Variants in GALNT13 observed in about 807,000 individuals in gnomAD.
The protein encoded by GALNT13 is polypeptide N-acetylgalactosaminyltransferase 13, also known as UDP-GalNAc:polypeptide N-acetylgalactosaminyltransferase 13.
Under a neutral mutation model 64.2 loss-of-function variants are expected in GALNT13, and 28 were observed. That is an observed-to-expected ratio of 0.44 (90% confidence interval 0.32 to 0.60). GALNT13 has a LOEUF of 0.60. GALNT13 is among the 20% of genes least tolerant of loss of function. The pLI is 0.05. For missense variants in GALNT13, 577 were observed against 669.8 expected (o/e 0.86, Z 1.53); for synonymous variants, 214 against 224.6 (o/e 0.95, Z 0.42).
the GALNT13 span, among the ~76,000 whole-genome samples, chr2:153,802,840 A>G: frequency 3.9e-5 from 6 of 152,364 alleles, no homozygotes; most frequent in East Asian, 1.2e-3. Context: ...TCCTGTCAAA[A>G]TAGAAGCTCA....
intron 9 of GALNT13, among the ~76,000 whole-genome samples, chr2:154,383,788 A>G (rs1426153387): frequency 6.6e-6 from 1 of 151,902 alleles, no homozygotes; most frequent in Non-Finnish European, 1.5e-5. Flanking sequence ...TCTATATACA[A>G]GAGTAATATA....
the GALNT13 span, among the ~76,000 whole-genome samples, chr2:153,147,289 G>A: frequency 6.6e-6 from 1 of 151,816 alleles, no homozygotes; most frequent in African/African-American, 2.4e-5. Context: ...GGCTAGAATT[G>A]TCTAGAAACT....
the GALNT13 span, among the ~76,000 whole-genome samples, chr2:153,461,005 A>T: frequency 6.6e-6 from 1 of 152,202 alleles, no homozygotes; most frequent in African/African-American, 2.4e-5. Flanking sequence ...TTTACATGAC[A>T]GAGTTGTGGC....
the GALNT13 span, among the ~76,000 whole-genome samples, chr2:153,831,636 T>C: frequency 1.3e-5 from 2 of 152,096 alleles, no homozygotes; most frequent in Non-Finnish European, 2.9e-5. Context: ...GACTTCAAAT[T>C]AATAATAAAT....
the GALNT13 span, among the ~76,000 whole-genome samples, chr2:153,582,051 G>A: frequency 1.3e-5 from 2 of 152,120 alleles, no homozygotes; most frequent in Non-Finnish European, 2.9e-5. Context: ...TAAGGAGAGG[G>A]AAGTGCATTC....
At chr2:153,849,995 A>G in the GALNT13 span, among the ~76,000 whole-genome samples, 1 of 97,254 alleles carries the variant, frequency 1.0e-5, no homozygotes, top group African/African-American at 4.0e-5. Context: ...CCCCGTCTCT[A>G]CTAAAAATAC....
intron 3 of GALNT13, among the ~76,000 whole-genome samples, chr2:154,066,051 G>GTA (rs1700446631): frequency 6.6e-6 from 1 of 152,164 alleles, no homozygotes; most frequent in South Asian, 2.1e-4. Flanking sequence ...AAAGAATCAA[G>GTA]TATAAAATCT....
the GALNT13 span, among the ~76,000 whole-genome samples, chr2:153,837,154 A>T: frequency 7.3e-5 from 11 of 151,120 alleles, no homozygotes; most frequent in East Asian, 1.9e-4. Flanking sequence ...TTTCTCCACA[A>T]CCTCTCCAGC....
the GALNT13 span, among the ~76,000 whole-genome samples, chr2:153,244,615 T>C: frequency 6.6e-6 from 1 of 152,200 alleles, no homozygotes; most frequent in Non-Finnish European, 1.5e-5. Flanking sequence ...GCTACGCTTT[T>C]CCCATGGTTT....
At chr2:154,454,852 C>G (rs1199978818), downstream of GALNT13, among the ~76,000 whole-genome samples, 1 of 152,110 alleles carries the variant, frequency 6.6e-6, no homozygotes, top group Non-Finnish European at 1.5e-5. Context: ...TCAGTAGTAA[C>G]TAATGGAACA....
At chr2:154,297,041 T>C (rs1220142200) in intron 8 of GALNT13, among the ~76,000 whole-genome samples, 2 of 152,170 alleles carry the variant, frequency 1.3e-5, no homozygotes, top group Non-Finnish European at 2.9e-5. Context: ...TATGTTATTC[T>C]AGAATGTGGC....
chr2:153,529,949 G>A, the GALNT13 span, among the ~76,000 whole-genome samples: 6 of 151,630 alleles, frequency 4.0e-5, no homozygotes, highest in African/African-American at 1.5e-4. Flanking sequence ...TATTAAATGG[G>A]GAAAAACAAA....
At chr2:153,826,660 T>C in the GALNT13 span, among the ~76,000 whole-genome samples, 6 of 150,570 alleles carry the variant, frequency 4.0e-5, no homozygotes, top group Admixed American at 4.0e-4. Flanking sequence ...ATCTAAATGA[T>C]ATTTTTAATG....
chr2:153,936,908 G>C (rs754632722), intron 2 of GALNT13, among the ~76,000 whole-genome samples: 3 of 151,932 alleles, frequency 2.0e-5, no homozygotes, highest in Non-Finnish European at 4.4e-5. Context: ...TTGTAGAGAC[G>C]GGGTTTCACT....
the GALNT13 span, among the ~76,000 whole-genome samples, chr2:153,223,952 A>G: frequency 6.6e-6 from 1 of 152,190 alleles, no homozygotes; most frequent in African/African-American, 2.4e-5. Flanking sequence ...CCTGGGTGAC[A>G]GAGTGAGACT....
chr2:153,553,826 G>A, the GALNT13 span, among the ~76,000 whole-genome samples: 2 of 152,032 alleles, frequency 1.3e-5, no homozygotes, highest in African/African-American at 2.4e-5. Context: ...CAGACAGAGC[G>A]GGCAGCTGAA....
intron 9 of GALNT13, among the ~76,000 whole-genome samples, chr2:154,330,759 T>C (rs1291233759): frequency 6.6e-6 from 1 of 152,094 alleles, no homozygotes; most frequent in Non-Finnish European, 1.5e-5. Context: ...GTGGGTTCCA[T>C]TATGCTGTCT....
At chr2:153,785,580 G>A in the GALNT13 span, among the ~76,000 whole-genome samples, 8 of 152,134 alleles carry the variant, frequency 5.3e-5, no homozygotes, top group African/African-American at 1.9e-4. Flanking sequence ...AGTGGCAGTG[G>A]CAGAGGGGCT....
intron 7 of GALNT13, among the ~76,000 whole-genome samples, chr2:154,247,977 T>C (rs1204019388): frequency 6.6e-6 from 1 of 152,162 alleles, no homozygotes; most frequent in Admixed American, 6.5e-5. Flanking sequence ...TGCTTGAAGA[T>C]GTGATCATTT....
Sources: gnomAD v4.1 joint callset for allele counts (sites outside exome capture counted in the v4.1 genomes callset) on GRCh38, gnomAD v4.1.1 for gene constraint, MANE v1.5 for transcripts, NCBI Gene and HGNC (gene_info 2026-07-23, HGNC 2026-07-21) for gene names.